The following RGS5 variants were observed in gnomAD, a reference collection of about 807,000 sequenced individuals.
RGS5 encodes regulator of G protein signaling 5.
A neutral mutation model predicts 18.9 loss-of-function variants in RGS5; 20 were observed. The ratio of observed to expected loss-of-function variants is 1.06; its 90% CI spans 0.74 to 1.54. The LOEUF (loss-of-function observed/expected upper bound fraction) is 1.54. Among genes scored for constraint, RGS5 ranks in the 40% most tolerant of loss-of-function variants. The pLI is 0.00. For synonymous variants in RGS5, 57 were observed against 76.2 expected (o/e 0.75, Z 1.31); for missense variants, 201 against 211.8 (o/e 0.95, Z 0.32).
At chr1:163,251,241 TA>T (rs1648100672) in intron 2 of RGS5, among the ~76,000 whole-genome samples, 2 of 152,300 alleles carry the variant, frequency 1.3e-5, no homozygotes, top group African/African-American at 4.8e-5. Flanking sequence ...CTGTGAAGAA[TA>T]TTGGTTTCTC....
chr1:163,287,169 T>C (rs1469172049), intron 2 of RGS5, among the ~76,000 whole-genome samples: 1 of 152,204 alleles, frequency 6.6e-6, no homozygotes, highest in African/African-American at 2.4e-5. Flanking sequence ...ATTTTCTGAT[T>C]TTTGGTCAAC....
chr1:163,271,107 C>T (rs1262649870), intron 2 of RGS5, among the ~76,000 whole-genome samples: 1 of 152,140 alleles, frequency 6.6e-6, no homozygotes, highest in Admixed American at 6.6e-5. Flanking sequence ...TTGCAGTGCA[C>T]CATACCCTCT....
rs913589206 is a variant in RGS5 at position 163,144,641 on chromosome 1, G to A, written c.*2701C>T. On this transcript the variant is annotated 3_prime_UTR_variant, in exon 5 of 5. Coordinates refer to ENST00000313961, the MANE Select transcript of RGS5 (RefSeq NM_003617.4). ...TTACTCAAGGGAACGTGGAGAGGAGGAGGAGGAGGGAGCTGGAGTGATAAG... is the reference window on the plus strand; with the variant it reads ...TTACTCAAGGGAACGTGGAGAGGAGAAGGAGGAGGGAGCTGGAGTGATAAG... 1.3e-5 allele frequency: 2 copies of A among 152,614 alleles called. No individual in the cohort carries two copies. The highest frequency in any genetic ancestry group is 2.9e-5 in the Non-Finnish European group (2 of 68,036). The allele number at this position is 152,614 out of a possible 1,614,324, so 9.5% of individuals were successfully genotyped here.
chr1:163,208,518 TAAAAAAA>T (rs55700806), intron 1 of RGS5, among the ~76,000 whole-genome samples: 5 of 14,464 alleles, frequency 3.5e-4, no homozygotes, highest in East Asian at 4.2e-3. Context: ...CCACCTCCAT[TAAAAAAA>T]AAAAAAAAAA....
At chr1:163,256,585 T>C (rs1279680042) in intron 2 of RGS5, among the ~76,000 whole-genome samples, 1 of 152,202 alleles carries the variant, frequency 6.6e-6, no homozygotes, top group Non-Finnish European at 1.5e-5. Flanking sequence ...ACAGCACCGT[T>C]GCTTAAAAGG....
chr1:163,151,005 T>G (rs1174528109), intron 4 of RGS5, among the ~76,000 whole-genome samples: 1 of 152,132 alleles, frequency 6.6e-6, no homozygotes, highest in East Asian at 1.9e-4. Flanking sequence ...GATGAAACAT[T>G]TACTTTCCAG....
At chr1:163,281,717 A>C (rs1195067682) in intron 2 of RGS5, among the ~76,000 whole-genome samples, 1 of 152,186 alleles carries the variant, frequency 6.6e-6, no homozygotes, top group Non-Finnish European at 1.5e-5. Flanking sequence ...GTATAAAAAC[A>C]GATACATTGA....
intron 1 of RGS5, among the ~76,000 whole-genome samples, chr1:163,169,894 T>C (rs1294650108): frequency 2.0e-5 from 3 of 152,194 alleles, no homozygotes; most frequent in African/African-American, 4.8e-5. Context: ...AAATGAGTAC[T>C]AATTGCCAAA....
chr1:163,175,062 C>T (rs1177185447), intron 1 of RGS5, among the ~76,000 whole-genome samples: 1 of 152,182 alleles, frequency 6.6e-6, no homozygotes, highest in Non-Finnish European at 1.5e-5. Context: ...CAGGCTGCTT[C>T]CTTCTGAAGA....
intron 1 of RGS5, among the ~76,000 whole-genome samples, chr1:163,173,553 G>A (rs1658400742): frequency 6.6e-6 from 1 of 152,102 alleles, no homozygotes; most frequent in South Asian, 2.1e-4. Flanking sequence ...ACCAGCACAA[G>A]CAATCACTAA....
chr1:163,210,703 T>C (rs981990484), intron 1 of RGS5: 1 of 152,254 alleles, frequency 6.6e-6, no homozygotes, highest in African/African-American at 2.4e-5. Flanking sequence ...CAATGAGCAC[T>C]CAACAAAGAT....
At chr1:163,161,881 C>A (rs760747740) in intron 3 of RGS5, 34 bp downstream of exon 3, 1 of 1,554,972 alleles carries the variant, frequency 6.4e-7, no homozygotes, top group Non-Finnish European at 8.9e-7. Flanking sequence ...TCTAACCTGA[C>A]CTTTATTTAA....
At chr1:163,291,168 ACT>A (rs1293014371) in intron 2 of RGS5, among the ~76,000 whole-genome samples, 9 of 151,396 alleles carry the variant, frequency 5.9e-5, no homozygotes, top group African/African-American at 2.2e-4. Flanking sequence ...AATCATAAAA[ACT>A]CTCTGCTACT....
chr1:163,157,033 C>G (rs1657609649), intron 3 of RGS5, among the ~76,000 whole-genome samples: 1 of 151,982 alleles, frequency 6.6e-6, no homozygotes, highest in African/African-American at 2.4e-5. Flanking sequence ...GAGAAAGAAG[C>G]AAAAGGGGAG....
chr1:163,304,846 G>T (rs1649653774), intron 2 of RGS5: 1 of 152,180 alleles, frequency 6.6e-6, no homozygotes, highest in Non-Finnish European at 1.5e-5. Context: ...TAAGGTCTTG[G>T]TCTAACAAGT....
chr1:163,254,421 ATG>A (rs1299994532), intron 2 of RGS5, among the ~76,000 whole-genome samples: 1 of 152,010 alleles, frequency 6.6e-6, no homozygotes, highest in East Asian at 1.9e-4. Context: ...GCATTTTTTC[ATG>A]TGTTTTTTGG....
intron 1 of RGS5, among the ~76,000 whole-genome samples, chr1:163,314,590 T>C (rs1019055883): frequency 6.6e-6 from 1 of 152,092 alleles, no homozygotes; most frequent in African/African-American, 2.4e-5. Context: ...TCCCCAAATT[T>C]TTCTGATTTA....
At chr1:163,180,193 C>A (rs948923011) in intron 1 of RGS5, among the ~76,000 whole-genome samples, 3 of 152,102 alleles carry the variant, frequency 2.0e-5, no homozygotes, top group African/African-American at 7.2e-5. Flanking sequence ...CCAGTCTGGT[C>A]TCAAATGCCT....
chr1:163,151,321 TA>T (rs1395858487), intron 4 of RGS5, among the ~76,000 whole-genome samples: 1 of 151,504 alleles, frequency 6.6e-6, no homozygotes, highest in Non-Finnish European at 1.5e-5. Context: ...AGTGGGGAAA[TA>T]AAGGATAAAG....
Sources: allele counts gnomAD v4.1 joint callset (sites outside exome capture counted in the v4.1 genomes callset), GRCh38; gene constraint gnomAD v4.1.1; transcripts MANE v1.5; gene names NCBI Gene and HGNC (gene_info 2026-07-23, HGNC 2026-07-21).